The following CLTB variants were observed in gnomAD, a reference collection of about 807,000 sequenced individuals.
CLTB encodes the protein clathrin light chain B.
In CLTB, 10 loss-of-function variants were observed where a neutral mutation model predicts 30.5. The ratio of observed to expected loss-of-function variants is 0.33; its 90% CI spans 0.20 to 0.56. The LOEUF is 0.56. Ranked by LOEUF, CLTB falls within the 20% of genes least tolerant of loss-of-function variation. The pLI is 0.91. For synonymous variants in CLTB, 102 were observed against 120.3 expected (o/e 0.85, Z 1.00); for missense variants, 261 against 308.3 (o/e 0.85, Z 1.15).
At chr5:176,411,504 A>AC (rs1757425528) in intron 1 of CLTB, among the ~76,000 whole-genome samples, 1 of 151,430 alleles carries the variant, frequency 6.6e-6, no homozygotes, top group South Asian at 2.1e-4. Flanking sequence ...CCCTGACCAC[A>AC]CCCCCATCCA....
intron 1 of CLTB, among the ~76,000 whole-genome samples, chr5:176,411,555 C>T (rs979209490): frequency 2.0e-5 from 3 of 152,174 alleles, no homozygotes; most frequent in Non-Finnish European, 4.4e-5. Flanking sequence ...CAGTATTAAG[C>T]GCACTTACTA....
chr5:176,412,417 C>T (rs1273263712), intron 1 of CLTB, among the ~76,000 whole-genome samples: 4 of 152,132 alleles, frequency 2.6e-5, no homozygotes, highest in Non-Finnish European at 4.4e-5. Context: ...TATTCAGCTC[C>T]TCAGGGCTCC....
intron 1 of CLTB, 74 bp downstream of exon 1, chr5:176,416,103 T>A: frequency 7.3e-7 from 1 of 1,364,438 alleles, no homozygotes; most frequent in South Asian, 1.5e-5. Context: ...CTCTCTTCCC[T>A]GTGCCCCTGG....
At chr5:176,399,157 C>A (rs559290580) in intron 2 of CLTB, among the ~76,000 whole-genome samples, 1 of 152,036 alleles carries the variant, frequency 6.6e-6, no homozygotes. Flanking sequence ...AAGGACCTTA[C>A]TTTATAATGT....
intron 2 of CLTB, among the ~76,000 whole-genome samples, chr5:176,399,502 G>A (rs1260274554): frequency 2.0e-5 from 3 of 152,214 alleles, no homozygotes; most frequent in African/African-American, 7.2e-5. Context: ...AGCACTTCGG[G>A]AGGCCAAGGC....
chr5:176,397,074 G>A (rs1756558611), intron 4 of CLTB, among the ~76,000 whole-genome samples: 1 of 152,170 alleles, frequency 6.6e-6, no homozygotes, highest in East Asian at 1.9e-4. Context: ...CTGTATTTGA[G>A]CTTAGTTGAA....
intron 2 of CLTB, chr5:176,406,499 T>C (rs1217993333): frequency 1.6e-5 from 20 of 1,221,946 alleles, no homozygotes; most frequent in Non-Finnish European, 2.0e-5. Context: ...GCTGAGCTGC[T>C]GATTCCTCTA....
At chr5:176,406,410 G>C in intron 2 of CLTB, 2 of 1,162,670 alleles carry the variant, frequency 1.7e-6, no homozygotes, top group Non-Finnish European at 2.2e-6. Context: ...CACCAGCCAA[G>C]CGTGTGCTGC....
At position 176,397,707 on chromosome 5, in the gene CLTB, T is replaced by C. The variant is rs1286088534; in HGVS notation, c.364A>G (p.Lys122Glu). Reference sequence around the variant, plus strand: ...TCCCGCCATTCCTGTTCCGTGACCTTAGATGCAGCATCTAGGACCCCACAA... The same window carrying C: ...TCCCGCCATTCCTGTTCCGTGACCTCAGATGCAGCATCTAGGACCCCACAA... ...KRLQELDAAS[K>E]VTEQEWREKA... The change falls in exon 4 of 6, where the codon AAG becomes GAG. Residue 122 changes from lysine (K) to glutamate (E), a missense_variant. By Grantham distance (56) the Lys-to-Glu change is moderately conservative. Transcript: ENST00000310418. 6.2e-7 allele frequency: 1 copy of C among 1,613,852 alleles called. No individual in the cohort carries two copies. The highest frequency in any genetic ancestry group is 8.5e-7 in the Non-Finnish European group (1 of 1,179,868).
chr5:176,414,900 G>A (rs1757619340), intron 1 of CLTB, among the ~76,000 whole-genome samples: 2 of 152,200 alleles, frequency 1.3e-5, no homozygotes, highest in African/African-American at 4.8e-5. Flanking sequence ...ACACACAGTA[G>A]GTGCTCAGTA....
At chr5:176,415,058 G>A (rs895479267) in intron 1 of CLTB, among the ~76,000 whole-genome samples, 5 of 152,136 alleles carry the variant, frequency 3.3e-5, no homozygotes, top group African/African-American at 1.2e-4. Context: ...ACCTGTTTTG[G>A]ATGTACCCAT....
chr5:176,404,558 T>C (rs930301080), intron 2 of CLTB, among the ~76,000 whole-genome samples: 3 of 152,200 alleles, frequency 2.0e-5, no homozygotes, highest in African/African-American at 7.2e-5. Context: ...CGCTGCAGCC[T>C]GCAGTCTGGG....
chr5:176,392,695 T>C lies in CLTB; in HGVS notation c.*79A>G, dbSNP rs576020935. Reference sequence around the variant, plus strand: ...GGCTGTGGGTAGCAGCTGCTGCGAGTCTCCACCCCGACCAAAGCAGCTGCT... The same window carrying C: ...GGCTGTGGGTAGCAGCTGCTGCGAGCCTCCACCCCGACCAAAGCAGCTGCT... On this transcript the variant is annotated 3_prime_UTR_variant, in exon 6 of 6. Coordinates refer to ENST00000310418, the MANE Select transcript of CLTB (RefSeq NM_007097.5). The surrounding 1 kb of genome is among the most constrained non-coding windows in gnomAD (Gnocchi z 5.2). 2.6e-6 allele frequency: 4 copies of C among 1,519,678 alleles called. No individual in the cohort carries two copies. The highest frequency in any genetic ancestry group is 3.6e-6 in the Non-Finnish European group (4 of 1,108,218). 94.1% of individuals were successfully genotyped at this position (1,519,678 alleles called of 1,614,324 possible). A position where few individuals can be genotyped will look rare whatever the true frequency, so the allele number is the denominator to read the frequency against.
chr5:176,394,544 G>A (rs58884428), intron 5 of CLTB, among the ~76,000 whole-genome samples: 13,631 of 151,964 alleles, frequency 0.09, 1,001 homozygotes, highest in African/African-American at 0.2. Context: ...GTGGCCAGGC[G>A]CGGTGGCTCA....
intron 1 of CLTB, among the ~76,000 whole-genome samples, chr5:176,414,811 T>C (rs560595777): frequency 2.0e-5 from 3 of 152,282 alleles, no homozygotes; most frequent in Admixed American, 1.3e-4. Context: ...ACATTTCTCA[T>C]ATCAAGGAGA....
intron 2 of CLTB, among the ~76,000 whole-genome samples, chr5:176,404,916 T>A (rs1194792227): frequency 2.0e-5 from 3 of 152,208 alleles, no homozygotes; most frequent in African/African-American, 7.2e-5. Flanking sequence ...TCCCTAACTT[T>A]AGTGCAGGCT....
intron 5 of CLTB, among the ~76,000 whole-genome samples, chr5:176,394,826 AAAG>A (rs1756440119): frequency 6.6e-6 from 1 of 152,004 alleles, no homozygotes. Context: ...AAAAAAAAAA[AAAG>A]TTTGAGAAGC....
chr5:176,405,301 C>A (rs1192241519), intron 2 of CLTB, among the ~76,000 whole-genome samples: 1 of 151,898 alleles, frequency 6.6e-6, no homozygotes, highest in African/African-American at 2.4e-5. Context: ...CCAGCCTGGC[C>A]AATATAGCGA....
chr5:176,412,128 A>G (rs1374784831), intron 1 of CLTB, among the ~76,000 whole-genome samples: 2 of 149,466 alleles, frequency 1.3e-5, no homozygotes, highest in East Asian at 4.0e-4. Flanking sequence ...GTGAGCCGAG[A>G]TCCCGCCACT....
Sources: allele counts gnomAD v4.1 joint callset (sites outside exome capture counted in the v4.1 genomes callset), GRCh38; gene constraint gnomAD v4.1.1; non-coding constraint Gnocchi (gnomAD v3.1); transcripts MANE v1.5; gene names NCBI Gene and HGNC (gene_info 2026-07-23, HGNC 2026-07-21).